The following WNT2 variants were observed in gnomAD, a reference collection of about 807,000 sequenced individuals.
WNT2 encodes protein Wnt-2.
A neutral mutation model predicts 36.9 loss-of-function variants in WNT2; 12 were observed. The observed-to-expected ratio is 0.33, with a 90% CI of 0.21 to 0.53. The LOEUF (loss-of-function observed/expected upper bound fraction) is 0.53. Among genes scored for constraint, WNT2 ranks in the 20% least tolerant of loss-of-function variants. WNT2 has a pLI of 0.95. For synonymous variants in WNT2, 163 were observed against 174.6 expected, an observed-to-expected ratio of 0.93 and a Z score of 0.52; for missense variants, 379 against 473.1, an observed-to-expected ratio of 0.80 and a Z score of 1.84.
At chr7:117,295,669 TC>T (rs940340107) in intron 4 of WNT2, among the ~76,000 whole-genome samples, 1 of 152,154 alleles carries the variant, frequency 6.6e-6, no homozygotes, top group African/African-American at 2.4e-5. Flanking sequence ...AGGTTTTTGC[TC>T]CCCAAGGCCT....
At chr7:117,320,399 C>G in intron 2 of WNT2, 168 bp downstream of exon 2, 1 of 666,752 alleles carries the variant, frequency 1.5e-6, no homozygotes, top group East Asian at 2.7e-5. Flanking sequence ...TAGACATGTT[C>G]CTTGATTTCT....
chr7:117,322,536 T>TACACACACACACACACACAC lies in WNT2; in HGVS notation c.83+351_83+370dup, dbSNP rs144898264. On this transcript the variant is annotated intron_variant, in intron 1 of 4. Transcript: ENST00000265441. The surrounding 1 kb of genome is among the most constrained non-coding windows in gnomAD (Gnocchi z 5.4). ...GCGGTTGTAGTTTTCAAGGTGAATT[T>TACACACACACACACACACAC]ACACACACACACACACACACACACA... 1.3e-3 allele frequency among the ~76,000 whole-genome samples: 162 copies of TACACACACACACACACACAC among 127,994 alleles called. 1 individual carries two copies. The highest frequency in any genetic ancestry group is 3.1e-3 in the African/African-American group (100 of 32,208). 84.0% of individuals were successfully genotyped at this position (127,994 alleles called of 152,430 possible). A position where few individuals can be genotyped will look rare whatever the true frequency, so the allele number is the denominator to read the frequency against.
intron 3 of WNT2, among the ~76,000 whole-genome samples, chr7:117,301,517 T>C (rs1794905518): frequency 6.6e-6 from 1 of 152,208 alleles, no homozygotes; most frequent in African/African-American, 2.4e-5. Flanking sequence ...GAGTGAGTGC[T>C]TAACTATGTG....
chr7:117,280,489 A>G (rs1794461671), intron 4 of WNT2, among the ~76,000 whole-genome samples: 1 of 152,208 alleles, frequency 6.6e-6, no homozygotes, highest in South Asian at 2.1e-4. Context: ...AGAGTTAAAT[A>G]TGTAAAGAGA....
At position 117,297,627 on chromosome 7, in the gene WNT2, T is replaced by C; in HGVS notation, c.838A>G (p.Arg280Gly). Residue 280 changes from arginine to glycine, a missense_variant, in exon 4 of 5, where the codon AGG becomes GGG. By Grantham distance (125) the Arg-to-Gly change is moderately radical. Transcript: ENST00000265441. ...TTGAACTTACCTGCCTCTCGGTCCC[T>C]GATACAGTAGTCTGGAGAATTCTCA... is the stretch of plus-strand genomic sequence containing the variant. ...YFENSPDYCI[R>G]DREAGSLGTA... 6.2e-7 allele frequency: 1 copy of C among 1,611,144 alleles called. No individual in the cohort carries two copies. Among genetic ancestry groups the C allele is most frequent in the Non-Finnish European group, 8.5e-7 (1 of 1,177,382 alleles).
intron 4 of WNT2, among the ~76,000 whole-genome samples, chr7:117,296,674 G>C (rs1794796363): frequency 6.6e-6 from 1 of 152,142 alleles, no homozygotes; most frequent in African/African-American, 2.4e-5. Flanking sequence ...GGAGCTCAGG[G>C]TTGATCAAGA....
At chr7:117,291,403 G>A (rs1250485066) in intron 4 of WNT2, among the ~76,000 whole-genome samples, 1 of 152,172 alleles carries the variant, frequency 6.6e-6, no homozygotes. Flanking sequence ...CCTGTGATTA[G>A]GTGCAGACGC....
intron 4 of WNT2, among the ~76,000 whole-genome samples, chr7:117,289,866 G>T (rs1794655171): frequency 6.6e-6 from 1 of 152,178 alleles, no homozygotes; most frequent in African/African-American, 2.4e-5. Flanking sequence ...GGATGGAGAA[G>T]CAGATAGGTC....
chr7:117,294,609 A>G (rs1794752685), intron 4 of WNT2, among the ~76,000 whole-genome samples: 1 of 151,948 alleles, frequency 6.6e-6, no homozygotes, highest in Non-Finnish European at 1.5e-5. Context: ...AAAAAAAAAA[A>G]AAGAATAGGG....
At chr7:117,281,968 A>G (rs1287229530) in intron 4 of WNT2, among the ~76,000 whole-genome samples, 1 of 152,136 alleles carries the variant, frequency 6.6e-6, no homozygotes, top group African/African-American at 2.4e-5. Flanking sequence ...AGAGGATGAA[A>G]GAGAGTAGGG....
At chr7:117,301,137 G>A (rs1042073033) in intron 3 of WNT2, 1 of 152,154 alleles carries the variant, frequency 6.6e-6, no homozygotes, top group Non-Finnish European at 1.5e-5. Flanking sequence ...ATTAATGACA[G>A]GCTTTATCTG....
At chr7:117,295,186 A>G (rs1794766799) in intron 4 of WNT2, among the ~76,000 whole-genome samples, 1 of 152,178 alleles carries the variant, frequency 6.6e-6, no homozygotes, top group Admixed American at 6.5e-5. Flanking sequence ...GCTCAGGTTT[A>G]AGTCCCTGAT....
At chr7:117,291,785 CT>C (rs891630861) in intron 4 of WNT2, among the ~76,000 whole-genome samples, 1 of 151,246 alleles carries the variant, frequency 6.6e-6, no homozygotes, top group Non-Finnish European at 1.5e-5. Context: ...TTTCTTTTCT[CT>C]TTTTTTTTGA....
chr7:117,280,426 A>G (rs1224736442), intron 4 of WNT2, among the ~76,000 whole-genome samples: 1 of 152,198 alleles, frequency 6.6e-6, no homozygotes, highest in Non-Finnish European at 1.5e-5. Flanking sequence ...CACAAGGGAG[A>G]ATAAAATAAA....
At chr7:117,289,365 G>A (rs1794644522) in intron 4 of WNT2, among the ~76,000 whole-genome samples, 1 of 152,048 alleles carries the variant, frequency 6.6e-6, no homozygotes, top group African/African-American at 2.4e-5. Flanking sequence ...GCCCACTTGA[G>A]ACTTTTTATC....
intron 3 of WNT2, among the ~76,000 whole-genome samples, chr7:117,301,973 AT>A (rs1344456909): frequency 2.6e-5 from 4 of 151,286 alleles, no homozygotes; most frequent in Admixed American, 2.6e-4. Flanking sequence ...ACGCCTTGCT[AT>A]TTTTTTGTAT....
intron 4 of WNT2, among the ~76,000 whole-genome samples, chr7:117,294,595 A>G (rs1163488308): frequency 5.4e-5 from 1 of 18,522 alleles, no homozygotes; most frequent in Non-Finnish European, 9.3e-5. Flanking sequence ...CTGGCAACTA[A>G]AAAAAAAAAA....
chr7:117,297,227 G>GTTTCT (rs777342330), intron 4 of WNT2, among the ~76,000 whole-genome samples: 2 of 152,154 alleles, frequency 1.3e-5, no homozygotes, highest in Admixed American at 6.5e-5. Context: ...TCTCTGTGCA[G>GTTTCT]TTTCTTTTCT....
chr7:117,280,303 A>C (rs370474801), intron 4 of WNT2, among the ~76,000 whole-genome samples: 1 of 152,206 alleles, frequency 6.6e-6, no homozygotes, highest in Non-Finnish European at 1.5e-5. Flanking sequence ...TTATGCAGAA[A>C]GGACTCACTG....
Sources: allele counts gnomAD v4.1 joint callset (sites outside exome capture counted in the v4.1 genomes callset), GRCh38; gene constraint gnomAD v4.1.1; non-coding constraint Gnocchi (gnomAD v3.1); transcripts MANE v1.5; gene names NCBI Gene and HGNC (gene_info 2026-07-23, HGNC 2026-07-21).